Variants in CSMD1 observed in about 807,000 individuals in gnomAD.
CSMD1 encodes the protein CUB and sushi domain-containing protein 1.
A neutral mutation model predicts 417.5 loss-of-function variants in CSMD1; 213 were observed. The observed-to-expected ratio is 0.51, with a 90% CI of 0.46 to 0.57. The LOEUF (loss-of-function observed/expected upper bound fraction) is 0.57, where lower values mean the gene tolerates loss of function less well. CSMD1 is among the 20% of genes least tolerant of loss of function. The pLI, the probability that CSMD1 is intolerant of heterozygous loss-of-function variation, is 0.00. For missense variants in CSMD1, 6,923 were observed against 4,529.7 expected (o/e 1.53, Z -15.17); for synonymous variants, 2,862 against 1,736.8 (o/e 1.65, Z -16.11).
At chr8:3,704,983 C>G (rs1053151898) in intron 7 of CSMD1, 8 of 152,200 alleles carry the variant, frequency 5.3e-5, no homozygotes, top group South Asian at 2.1e-4. Context: ...ACATCTAGAA[C>G]TTTGGGTAGA....
intron 51 of CSMD1, among the ~76,000 whole-genome samples, chr8:3,028,094 G>A (rs139768631): frequency 1.1e-3 from 163 of 152,316 alleles, no homozygotes; most frequent in African/African-American, 3.3e-3. Context: ...GCTGTACTGC[G>A]CTGTGCCAGC....
intron 38 of CSMD1, among the ~76,000 whole-genome samples, chr8:3,159,245 G>A (rs564430087): frequency 6.6e-6 from 1 of 152,058 alleles, no homozygotes; most frequent in East Asian, 1.9e-4. Context: ...GTAATATTCT[G>A]CTATTGATTT....
intron 2 of CSMD1, among the ~76,000 whole-genome samples, chr8:4,637,120 A>G (rs1299918581): frequency 6.6e-6 from 1 of 152,210 alleles, no homozygotes; most frequent in Non-Finnish European, 1.5e-5. Context: ...CGCTCTTAGC[A>G]ATAAACCTTG....
intron 40 of CSMD1, 25 bp from the exon 41 acceptor site, chr8:3,142,699 TG>T: frequency 6.5e-7 from 1 of 1,542,506 alleles, no homozygotes; most frequent in Non-Finnish European, 9.0e-7. Context: ...GCAAACTTAA[TG>T]AAAGTTCATA....
chr8:4,419,861 T>C (rs745620664), intron 3 of CSMD1, 92 bp downstream of exon 3: 26 of 887,216 alleles, frequency 2.9e-5, no homozygotes, highest in South Asian at 7.3e-5. Flanking sequence ...ACCTGCGACA[T>C]AGCAGCCTAG....
intron 5 of CSMD1, among the ~76,000 whole-genome samples, chr8:3,962,588 C>G (rs147548729): frequency 1.3e-5 from 2 of 152,024 alleles, no homozygotes; most frequent in Non-Finnish European, 2.9e-5. Context: ...GCAATGAAAT[C>G]CATGCTATGA....
chr8:4,614,268 G>T (rs1016025949), intron 2 of CSMD1, among the ~76,000 whole-genome samples: 1 of 152,184 alleles, frequency 6.6e-6, no homozygotes, highest in Non-Finnish European at 1.5e-5. Flanking sequence ...CTACACATTT[G>T]TGTTTCACAC....
intron 10 of CSMD1, among the ~76,000 whole-genome samples, chr8:3,520,473 G>T (rs1044432069): frequency 6.6e-6 from 1 of 152,118 alleles, no homozygotes; most frequent in African/African-American, 2.4e-5. Context: ...ACTATTGCTA[G>T]ACTGTAGTCA....
intron 8 of CSMD1, among the ~76,000 whole-genome samples, chr8:3,589,267 G>T (rs779840836): frequency 5.3e-5 from 8 of 152,046 alleles, no homozygotes; most frequent in African/African-American, 1.9e-4. Flanking sequence ...AAATCAATAC[G>T]TTGAAGAGAT....
chr8:4,902,291 T>G (rs1396778655), intron 1 of CSMD1, among the ~76,000 whole-genome samples: 4 of 139,328 alleles, frequency 2.9e-5, no homozygotes, highest in African/African-American at 1.1e-4. Flanking sequence ...AAAAAAAAAA[T>G]CCTGGCATGA....
chr8:4,974,820 T>C (rs1480369038), intron 1 of CSMD1, among the ~76,000 whole-genome samples: 2 of 152,198 alleles, frequency 1.3e-5, no homozygotes, highest in Non-Finnish European at 2.9e-5. Context: ...AGTATTGAGC[T>C]GTCTCCCAAT....
chr8:3,877,399 T>A (rs568889217), intron 5 of CSMD1, among the ~76,000 whole-genome samples: 21 of 152,300 alleles, frequency 1.4e-4, no homozygotes, highest in Admixed American at 1.2e-3. Flanking sequence ...CGAACCCACG[T>A]TCCATACAGG....
chr8:3,448,376 A>AG (rs1339679585), intron 12 of CSMD1, among the ~76,000 whole-genome samples: 2 of 11,494 alleles, frequency 1.7e-4, no homozygotes, highest in African/African-American at 9.0e-4. Flanking sequence ...GGAGGAAGGG[A>AG]GGGGGAGGAG....
chr8:3,869,723 C>G (rs1382695363), intron 5 of CSMD1, among the ~76,000 whole-genome samples: 1 of 152,072 alleles, frequency 6.6e-6, no homozygotes, highest in Non-Finnish European at 1.5e-5. Context: ...CTCATCCTGG[C>G]AGGACCCACC....
At chr8:3,179,191 C>A (rs905677960) in intron 37 of CSMD1, among the ~76,000 whole-genome samples, 38 of 151,940 alleles carry the variant, frequency 2.5e-4, no homozygotes, top group African/African-American at 5.6e-4. Flanking sequence ...GTGATCTGCC[C>A]GCCTTGGCCT....
chr8:3,847,851 C>A (rs983539519), intron 5 of CSMD1, among the ~76,000 whole-genome samples: 4 of 152,150 alleles, frequency 2.6e-5, no homozygotes, highest in Admixed American at 6.5e-5. Flanking sequence ...TGTATTTGCT[C>A]CCATTATGCG....
intron 7 of CSMD1, among the ~76,000 whole-genome samples, chr8:3,707,976 C>T (rs912832724): frequency 1.3e-5 from 2 of 152,202 alleles, no homozygotes; most frequent in Non-Finnish European, 2.9e-5. Context: ...AGGACGTAGA[C>T]ATTGCCCGAA....
intron 25 of CSMD1, among the ~76,000 whole-genome samples, chr8:3,294,445 C>T (rs916890020): frequency 6.6e-6 from 1 of 152,170 alleles, no homozygotes; most frequent in African/African-American, 2.4e-5. Flanking sequence ...GGCAGGCAGG[C>T]TTCCTTGAGC....
intron 49 of CSMD1, among the ~76,000 whole-genome samples, chr8:3,077,492 C>G (rs1180252893): frequency 1.3e-5 from 2 of 152,232 alleles, no homozygotes; most frequent in Admixed American, 6.5e-5. Flanking sequence ...CACTCATTCT[C>G]CCTGTGATGG....
Sources: gnomAD v4.1 joint callset for allele counts (sites outside exome capture counted in the v4.1 genomes callset) on GRCh38, gnomAD v4.1.1 for gene constraint, MANE v1.5 for transcripts, NCBI Gene and HGNC (gene_info 2026-07-23, HGNC 2026-07-21) for gene names.